The following SLIT3 variants were observed in gnomAD, a reference collection of about 807,000 sequenced individuals.
The protein encoded by SLIT3 is slit guidance ligand 3, also known as slit homolog 3 protein.
In SLIT3, 68 loss-of-function variants were observed where a neutral mutation model predicts 184.0. That is an observed-to-expected ratio of 0.37 (90% CI 0.30 to 0.45). The LOEUF (loss-of-function observed/expected upper bound fraction) is 0.45, where lower values mean the gene tolerates loss of function less well. Ranked by LOEUF, SLIT3 falls within the 20% of genes least tolerant of loss-of-function variation. The pLI, the probability that SLIT3 is intolerant of heterozygous loss-of-function variation, is 1.00. For synonymous variants in SLIT3, 831 were observed against 828.6 expected (o/e 1.00, Z -0.05); for missense variants, 1,707 against 2,026.0 (o/e 0.84, Z 3.02).
chr5:169,086,154 C>T (rs1365775590), intron 4 of SLIT3, among the ~76,000 whole-genome samples: 1 of 152,178 alleles, frequency 6.6e-6, no homozygotes, highest in Non-Finnish European at 1.5e-5. Flanking sequence ...GGCACAAATA[C>T]CTCTTTTTGT....
intron 6 of SLIT3, among the ~76,000 whole-genome samples, chr5:168,835,778 T>A (rs1364628609): frequency 6.7e-6 from 1 of 150,080 alleles, no homozygotes; most frequent in Non-Finnish European, 1.5e-5. Context: ...ACCACTGCAC[T>A]CCAGCCTGGG....
intron 20 of SLIT3, among the ~76,000 whole-genome samples, chr5:168,733,377 T>C (rs980927172): frequency 3.3e-5 from 5 of 152,220 alleles, no homozygotes; most frequent in African/African-American, 2.4e-5. Flanking sequence ...GAAAACAGTA[T>C]GGTGATTTCT....
intron 4 of SLIT3, among the ~76,000 whole-genome samples, chr5:169,167,844 G>A (rs1561710623): frequency 6.6e-6 from 1 of 152,162 alleles, no homozygotes; most frequent in African/African-American, 2.4e-5. Context: ...CTAGTCCCCA[G>A]TCTGTTGTCC....
intron 8 of SLIT3, among the ~76,000 whole-genome samples, chr5:168,814,247 A>G (rs1757256719): frequency 6.6e-6 from 1 of 152,174 alleles, no homozygotes; most frequent in Non-Finnish European, 1.5e-5. Context: ...AATACAAAAA[A>G]TTAGCTAGGC....
At chr5:169,103,859 C>G (rs913432859) in intron 4 of SLIT3, among the ~76,000 whole-genome samples, 5 of 152,186 alleles carry the variant, frequency 3.3e-5, no homozygotes, top group Non-Finnish European at 7.3e-5. Context: ...GGCAGCAAGG[C>G]CAGGGAAAGA....
At chr5:169,092,831 G>A (rs546839833) in intron 4 of SLIT3, among the ~76,000 whole-genome samples, 84 of 152,114 alleles carry the variant, frequency 5.5e-4, no homozygotes, top group Middle Eastern at 3.4e-3. Context: ...TCAGATCTCC[G>A]GCAATTCTGA....
chr5:168,780,366 G>A (rs932109535), intron 12 of SLIT3, among the ~76,000 whole-genome samples: 1 of 152,240 alleles, frequency 6.6e-6, no homozygotes, highest in Non-Finnish European at 1.5e-5. Context: ...CCAGGCTCCT[G>A]CCAAGAAAGA....
Position 169,300,838 on chromosome 5 carries a change from G to T in SLIT3, c.-129C>A, listed in dbSNP as rs1229687360. 3 of 972,592 alleles carry T rather than the reference G, an allele frequency of 3.1e-6. No individual in the cohort carries two copies. The highest frequency in any genetic ancestry group is 3.9e-6 in the Non-Finnish European group (3 of 760,836). 60.2% of individuals were successfully genotyped at this position (972,592 alleles called of 1,614,324 possible). The stretch of plus-strand genomic sequence containing the variant: ...CGGAGTTAGCGCGGAGGAGGGGCGA[G>T]CTCGGTGCTCAGGCGCACGGGGCGC... On this transcript the variant is annotated 5_prime_UTR_variant, in exon 1 of 36. Coordinates refer to ENST00000519560, the MANE Select transcript of SLIT3 (RefSeq NM_003062.4). This position sits in a 1 kb window ranked among gnomAD's most constrained non-coding sequence, Gnocchi z 4.1.
chr5:169,204,013 A>T (rs764717841), intron 3 of SLIT3, among the ~76,000 whole-genome samples: 10 of 152,272 alleles, frequency 6.6e-5, no homozygotes, highest in Non-Finnish European at 1.0e-4. Flanking sequence ...GTGGTAATTT[A>T]AAGCCATGAA....
At chr5:168,846,659 G>T (rs371277450) in intron 5 of SLIT3, among the ~76,000 whole-genome samples, 1 of 152,228 alleles carries the variant, frequency 6.6e-6, no homozygotes, top group Non-Finnish European at 1.5e-5. Flanking sequence ...AAGTAGAAAA[G>T]GATCTAAATC....
At chr5:169,035,650 A>G (rs1040018977) in intron 4 of SLIT3, among the ~76,000 whole-genome samples, 2 of 121,054 alleles carry the variant, frequency 1.7e-5, no homozygotes, top group East Asian at 5.6e-4. Context: ...GCATCTGGAA[A>G]AAAAAAAAAA....
intron 14 of SLIT3, among the ~76,000 whole-genome samples, chr5:168,766,550 T>C (rs533741293): frequency 5.9e-5 from 9 of 152,328 alleles, no homozygotes; most frequent in Non-Finnish European, 1.0e-4. Context: ...TTGGAGTCTA[T>C]TATGAGTGCA....
intron 4 of SLIT3, among the ~76,000 whole-genome samples, chr5:169,015,931 AACACACACACACACACACAC>A (rs3138760): frequency 0.022 from 2,603 of 120,378 alleles, 99 homozygotes; most frequent in African/African-American, 0.073. Context: ...GAAAAATATA[AACACACACACACACACACAC>A]ACACACACAC....
intron 5 of SLIT3, among the ~76,000 whole-genome samples, chr5:168,848,300 G>C (rs1181617855): frequency 1.3e-5 from 2 of 152,196 alleles, no homozygotes; most frequent in Admixed American, 6.5e-5. Context: ...CCCTCCTGCT[G>C]TGACTGTACA....
chr5:168,673,676 C>G (rs1334149223), intron 32 of SLIT3, among the ~76,000 whole-genome samples: 1 of 152,176 alleles, frequency 6.6e-6, no homozygotes, highest in African/African-American at 2.4e-5. Context: ...TATATAAGCA[C>G]AGTGCAGTTG....
chr5:168,883,518 C>T (rs1284229213), intron 4 of SLIT3, among the ~76,000 whole-genome samples, 182 bp from the exon 5 acceptor site: 3 of 152,208 alleles, frequency 2.0e-5, no homozygotes, highest in East Asian at 1.9e-4. Context: ...AAGTGATGGC[C>T]GTTGCTGAAA....
At chr5:169,212,290 T>C (rs1375822470) in intron 3 of SLIT3, among the ~76,000 whole-genome samples, 1 of 152,240 alleles carries the variant, frequency 6.6e-6, no homozygotes, top group Non-Finnish European at 1.5e-5. Context: ...TGTTGTTTCC[T>C]GACTTTTTAA....
chr5:168,828,157 T>C (rs1457585150), intron 6 of SLIT3, among the ~76,000 whole-genome samples: 1 of 152,208 alleles, frequency 6.6e-6, no homozygotes, highest in Non-Finnish European at 1.5e-5. Flanking sequence ...TGGCAAGTAG[T>C]AGCATTGGGA....
chr5:169,073,804 C>T (rs1303264190), intron 4 of SLIT3, among the ~76,000 whole-genome samples: 2 of 152,144 alleles, frequency 1.3e-5, no homozygotes, highest in African/African-American at 4.8e-5. Context: ...GAGGCCCTCA[C>T]CAAAAGCAGA....
Sources: allele counts gnomAD v4.1 joint callset (sites outside exome capture counted in the v4.1 genomes callset), GRCh38; gene constraint gnomAD v4.1.1; non-coding constraint Gnocchi (gnomAD v3.1); transcripts MANE v1.5; gene names NCBI Gene and HGNC (gene_info 2026-07-23, HGNC 2026-07-21).